The following FAM184B variants were observed in gnomAD, a reference collection of about 807,000 sequenced individuals.
FAM184B encodes protein FAM184B.
In FAM184B, 111 loss-of-function variants were observed where a neutral mutation model predicts 135.9. The observed-to-expected ratio is 0.82, with a 90% CI of 0.70 to 0.96. FAM184B has a LOEUF of 0.96. FAM184B is among the 40% of genes least tolerant of loss of function. FAM184B has a pLI of 0.00. For synonymous variants in FAM184B, 552 were observed against 524.8 expected (o/e 1.05, Z -0.71); for missense variants, 1,375 against 1,323.9 (o/e 1.04, Z -0.60).
rs544312577 is a variant in FAM184B at position 17,660,224 on chromosome 4, T to C, written c.1695-137A>G. Reference sequence around the variant, plus strand: ...TTAGTGGGGATTAGAAACATCTTGCTTGGCTTTCAAAAAGCAACCTGCCAT... The same window carrying C: ...TTAGTGGGGATTAGAAACATCTTGCCTGGCTTTCAAAAAGCAACCTGCCAT... On this transcript the variant is annotated intron_variant, in intron 8 of 17. Coordinates refer to ENST00000265018, the MANE Select transcript of FAM184B (RefSeq NM_015688.2). The C allele has an allele frequency of 3.3e-4, 364 of 1,098,562 alleles. 3 individuals carry two copies. The South Asian group carries it at 4.2e-3, about 13-fold the overall frequency. 68.1% of individuals were successfully genotyped at this position (1,098,562 alleles called of 1,614,324 possible).
rs142546464 is a variant in FAM184B at position 17,723,270 on chromosome 4, A to G, written c.142-13626T>C. 5.9e-5 allele frequency among the ~76,000 whole-genome samples: 9 copies of G among 152,272 alleles called. No individual in the cohort carries two copies. In the East Asian group the frequency reaches 1.4e-3, roughly 23 times the overall value. ...GCAGCAGAGAAAAATCTCTTTAACTATTTTCTAGTTCATTTATTGTAGCTT... is the reference window on the plus strand; with the variant it reads ...GCAGCAGAGAAAAATCTCTTTAACTGTTTTCTAGTTCATTTATTGTAGCTT... On this transcript the variant is annotated intron_variant, in intron 1 of 17. Coordinates refer to ENST00000265018, the MANE Select transcript of FAM184B (RefSeq NM_015688.2).
chr4:17,749,909 TGTAA>T (rs66885532), intron 1 of FAM184B, among the ~76,000 whole-genome samples: 41,625 of 151,988 alleles, frequency 0.27, 5,920 homozygotes, highest in South Asian at 0.33. Flanking sequence ...ACCGTTATAA[TGTAA>T]GTGTCTTTTT....
intron 1 of FAM184B, among the ~76,000 whole-genome samples, chr4:17,770,991 T>C (rs1455660311): frequency 2.0e-5 from 3 of 152,228 alleles, no homozygotes; most frequent in Non-Finnish European, 4.4e-5. Flanking sequence ...CTCCTCTTTG[T>C]CTAAGGAATG....
chr4:17,754,879 C>CTT (rs937027116), intron 1 of FAM184B, among the ~76,000 whole-genome samples: 3 of 146,586 alleles, frequency 2.0e-5, no homozygotes, highest in African/African-American at 5.0e-5. Flanking sequence ...TAAATTAAAA[C>CTT]TTTTTTTTTT....
At chr4:17,767,094 C>G (rs191973249) in intron 1 of FAM184B, among the ~76,000 whole-genome samples, 1 of 152,292 alleles carries the variant, frequency 6.6e-6, no homozygotes, top group African/African-American at 2.4e-5. Context: ...CCAGCCGGCC[C>G]CTCCGAGTGC....
intron 7 of FAM184B, among the ~76,000 whole-genome samples, chr4:17,665,013 C>G (rs1016372946): frequency 2.0e-5 from 3 of 152,108 alleles, no homozygotes; most frequent in Non-Finnish European, 4.4e-5. Context: ...ATAATAGGAC[C>G]CTGGGGACTG....
chr4:17,653,768 A>G (rs937040999), intron 10 of FAM184B, among the ~76,000 whole-genome samples: 2 of 151,778 alleles, frequency 1.3e-5, no homozygotes, highest in Non-Finnish European at 2.9e-5. Context: ...GTTACCTTAC[A>G]TGGTCAAAGG....
At chr4:17,677,658 A>G (rs1331829200) in intron 7 of FAM184B, among the ~76,000 whole-genome samples, 1 of 152,132 alleles carries the variant, frequency 6.6e-6, no homozygotes, top group Non-Finnish European at 1.5e-5. Flanking sequence ...GGAACCCTCC[A>G]TAAATCATTC....
At chr4:17,767,283 C>T (rs774739821) in intron 1 of FAM184B, among the ~76,000 whole-genome samples, 29 of 152,206 alleles carry the variant, frequency 1.9e-4, no homozygotes, top group Admixed American at 2.6e-4. Flanking sequence ...AAGGGCTCCT[C>T]AAGCGTGGCC....
intron 1 of FAM184B, among the ~76,000 whole-genome samples, chr4:17,763,543 G>C (rs1560195752): frequency 6.8e-6 from 1 of 147,390 alleles, no homozygotes; most frequent in African/African-American, 2.5e-5. Context: ...GACAGGAATA[G>C]TAAGACTGGA....
intron 1 of FAM184B, among the ~76,000 whole-genome samples, chr4:17,740,121 G>A (rs1717999100): frequency 6.6e-6 from 1 of 151,986 alleles, no homozygotes; most frequent in Non-Finnish European, 1.5e-5. Flanking sequence ...GGAGGCTGAG[G>A]TGGGCGGATC....
chr4:17,695,563 GA>G (rs1339971149), intron 5 of FAM184B, among the ~76,000 whole-genome samples: 1 of 152,166 alleles, frequency 6.6e-6, no homozygotes, highest in Non-Finnish European at 1.5e-5. Context: ...GGTGGTAACT[GA>G]GGTAAGAGTG....
At chr4:17,768,177 A>G (rs1395487365) in intron 1 of FAM184B, among the ~76,000 whole-genome samples, 1 of 152,242 alleles carries the variant, frequency 6.6e-6, no homozygotes, top group Non-Finnish European at 1.5e-5. Context: ...TTCTTCAAAG[A>G]CATCAAGCAA....
At chr4:17,634,808 A>G (rs2108925691) in intron 16 of FAM184B, among the ~76,000 whole-genome samples, 1 of 152,306 alleles carries the variant, frequency 6.6e-6, no homozygotes. Context: ...TTATTCTAGA[A>G]AATTTGGAAA....
intron 1 of FAM184B, among the ~76,000 whole-genome samples, chr4:17,742,482 C>T (rs1465997133): frequency 3.9e-5 from 6 of 152,076 alleles, no homozygotes; most frequent in Non-Finnish European, 7.4e-5. Flanking sequence ...AACCACAGGC[C>T]TGAGTGAAAA....
In FAM184B at chr4:17,660,049, G is replaced by A; in HGVS notation, c.1733C>T (p.Pro578Leu). Residue 578 changes from proline (P) to leucine (L), a missense_variant, in exon 9 of 18, where the codon CCT (proline) becomes CTT (leucine). Physicochemically the swap from Pro to Leu is moderately conservative, Grantham distance 98. Transcript: ENST00000265018. ...VLLKEGSDPQ[P>L]PLGSLLKEKT... ...CTCCTTCAACAAAGAGCCCAGTGGAGGTTGTGGGTCACTTCCCTCCTTGAG... is the reference window on the plus strand; with the variant it reads ...CTCCTTCAACAAAGAGCCCAGTGGAAGTTGTGGGTCACTTCCCTCCTTGAG... 6.4e-7 allele frequency: 1 copy of A among 1,551,602 alleles called. No individual in the cohort carries two copies. The highest frequency in any genetic ancestry group is 8.7e-7 in the Non-Finnish European group (1 of 1,146,982).
intron 1 of FAM184B, among the ~76,000 whole-genome samples, chr4:17,751,836 C>CACAG (rs1718300303): frequency 1.3e-5 from 2 of 150,298 alleles, no homozygotes; most frequent in African/African-American, 4.9e-5. Context: ...CACACACACA[C>CACAG]ACACACACAC....
chr4:17,741,513 A>T (rs1407903627), intron 1 of FAM184B, among the ~76,000 whole-genome samples: 2 of 151,702 alleles, frequency 1.3e-5, no homozygotes, highest in African/African-American at 4.8e-5. Flanking sequence ...GGCCAACATG[A>T]TGAAACCCCA....
intron 1 of FAM184B, among the ~76,000 whole-genome samples, chr4:17,710,779 G>A (rs1717250398): frequency 6.6e-6 from 1 of 152,254 alleles, no homozygotes; most frequent in African/African-American, 2.4e-5. Flanking sequence ...GTTGGCCTGA[G>A]CCACAGGTCG....
Sources: allele counts gnomAD v4.1 joint callset (sites outside exome capture counted in the v4.1 genomes callset), GRCh38; gene constraint gnomAD v4.1.1; transcripts MANE v1.5; gene names NCBI Gene and HGNC (gene_info 2026-07-23, HGNC 2026-07-21).